Variants in MAP3K6 observed in about 807,000 individuals in gnomAD.
MAP3K6 encodes the protein mitogen-activated protein kinase kinase kinase 6, also known as apoptosis signal-regulating kinase 2.
Under a neutral mutation model 147.1 loss-of-function variants are expected in MAP3K6, and 105 were observed. The ratio of observed to expected loss-of-function variants is 0.71; its 90% CI spans 0.61 to 0.84. The LOEUF (loss-of-function observed/expected upper bound fraction) is 0.84, where lower values mean the gene tolerates loss of function less well. Ranked by LOEUF, MAP3K6 falls within the 40% of genes least tolerant of loss-of-function variation. The pLI, the probability that MAP3K6 is intolerant of heterozygous loss-of-function variation, is 0.00. For missense variants in MAP3K6, 1,569 were observed against 1,715.0 expected, an observed-to-expected ratio of 0.91 and a Z score of 1.50; for synonymous variants, 695 against 732.4, an observed-to-expected ratio of 0.95 and a Z score of 0.82.
chr1:27,366,513 GGCCCCGGCTCAGC>G lies in MAP3K6; in HGVS notation c.72_84del (p.Leu25GlyfsTer23), dbSNP rs1243803700. 11 of 1,108,642 alleles carry G rather than the reference GGCCCCGGCTCAGC, an allele frequency of 9.9e-6. No individual in the cohort carries two copies. The highest frequency in any genetic ancestry group is 5.1e-5 in the Admixed American group (1 of 19,768). 68.7% of individuals were successfully genotyped at this position (1,108,642 alleles called of 1,614,324 possible). Reference sequence around the variant, plus strand: ...CGGCCCGGGGGCGCCGCGAGCTGCCGGCCCCGGCTCAGCGCCACGGCCAGCGGGTCCTGCCAGC... The same window carrying G: ...CGGCCCGGGGGCGCCGCGAGCTGCCGGCCACGGCCAGCGGGTCCTGCCAGC... On this transcript the variant is annotated frameshift_variant, in exon 1 of 29. Coordinates refer to ENST00000357582, the MANE Select transcript of MAP3K6 (RefSeq NM_004672.5). LOFTEE classifies it high-confidence loss of function. This position sits in a 1 kb window ranked among gnomAD's most constrained non-coding sequence, Gnocchi z 5.5.
intron 24 of MAP3K6, 98 bp from the exon 25 acceptor site, chr1:27,356,847 C>T (rs1412048291): frequency 6.8e-7 from 1 of 1,473,698 alleles, no homozygotes; most frequent in Non-Finnish European, 9.1e-7. Flanking sequence ...TCTGGGCAGG[C>T]CCCAGGCGGT....
At position 27,360,603 on chromosome 1, in the gene MAP3K6, G is replaced by GCCCGCCCACTAGGC; in HGVS notation, c.2054+88_2054+101dup. ...GGGCTCGAACTCTCAGGTCCTACGA[G>GCCCGCCCACTAGGC]CCCGCCCACTAGGCCCCGCCCACAG... is the stretch of plus-strand genomic sequence containing the variant. On this transcript the variant is annotated intron_variant, in intron 15 of 28. Coordinates refer to ENST00000357582, the MANE Select transcript of MAP3K6 (RefSeq NM_004672.5). This position sits in a 1 kb window ranked among gnomAD's most constrained non-coding sequence, Gnocchi z 4.5. The GCCCGCCCACTAGGC allele has an allele frequency of 1.4e-6, 2 of 1,474,578 alleles. No homozygotes were observed. The highest frequency in any genetic ancestry group is 9.0e-7 in the Non-Finnish European group (1 of 1,111,300). The allele number at this position is 1,474,578 out of a possible 1,614,324, so 91.3% of individuals were successfully genotyped here.
In MAP3K6 at chr1:27,362,970, C is replaced by T. The variant is rs1323188268; in HGVS notation, c.1023G>A (p.Leu341=). The T allele has an allele frequency of 1.9e-6, 3 of 1,613,944 alleles. No individual in the cohort carries two copies. Among genetic ancestry groups the T allele is most frequent in the Non-Finnish European group, 2.5e-6 (3 of 1,180,010 alleles). ...GCGCCACAGAGCCCTCAAGCTGTAC[C>T]AGCGGCAGCAGCACAGACAGGGCCT... ...RAKALSVLLP[L]VQLEGSVAPD... is the part of the protein sequence containing the mutation. Residue 341 remains leucine, a synonymous_variant, in exon 7 of 29, where the codon CTG becomes CTA. Coordinates refer to ENST00000357582, the MANE Select transcript of MAP3K6 (RefSeq NM_004672.5).
At position 27,358,247 on chromosome 1, in the gene MAP3K6, G is replaced by A. The variant is rs1436843883; in HGVS notation, c.2849C>T (p.Ala950Val). 1.9e-6 allele frequency: 3 copies of A among 1,600,804 alleles called. No homozygotes were observed. The highest frequency in any genetic ancestry group is 1.1e-5 in the South Asian group (1 of 89,314). ...GGGGCTGGGTGGGTGCTGAGAGGGT[G>A]CCTGAGGGCACGGGAATGTCTGAGA... ...TQSQTFPCPQ[A>V]PSQHPPSPPK... is the part of the protein sequence containing the mutation. The change falls in exon 21 of 29, where the codon GCA (alanine) becomes GTA (valine). Residue 950 changes from alanine (A) to valine (V), a missense_variant. By Grantham distance (64) the Ala-to-Val change is moderately conservative. Coordinates refer to ENST00000357582, the MANE Select transcript of MAP3K6 (RefSeq NM_004672.5). The surrounding 1 kb of genome is among the most constrained non-coding windows in gnomAD (Gnocchi z 6.2).
Position 27,358,971 on chromosome 1 carries a change from C to T in MAP3K6, c.2426-105G>A. 2.5e-6 allele frequency: 3 copies of T among 1,179,200 alleles called. No homozygotes were observed. Among genetic ancestry groups the T allele is most frequent in the Non-Finnish European group, 3.6e-6 (3 of 838,906 alleles). The allele number at this position is 1,179,200 out of a possible 1,614,324, so 73.0% of individuals were successfully genotyped here. ...CAGGCCGACTGCACCCATACTGAAC[C>T]TATCATCCAAAATATACCTCAACAC... On this transcript the variant is annotated intron_variant, in intron 18 of 28. Coordinates refer to ENST00000357582, the MANE Select transcript of MAP3K6 (RefSeq NM_004672.5). The surrounding 1 kb of genome is among the most constrained non-coding windows in gnomAD (Gnocchi z 6.2).
Position 27,359,633 on chromosome 1 carries a change from C to T in MAP3K6, c.2320-111G>A. On this transcript the variant is annotated intron_variant, in intron 17 of 28. Coordinates refer to ENST00000357582, the MANE Select transcript of MAP3K6 (RefSeq NM_004672.5). The surrounding 1 kb of genome is among the most constrained non-coding windows in gnomAD (Gnocchi z 4.4). Reference sequence around the variant, plus strand: ...CCCAGCCTGGTCCTGCCTCTGTCAACACTCTCCCCTTGCCATCCCACTTAT... The same window carrying T: ...CCCAGCCTGGTCCTGCCTCTGTCAATACTCTCCCCTTGCCATCCCACTTAT... The T allele has an allele frequency of 2.0e-6, 3 of 1,510,150 alleles. No individual in the cohort carries two copies. The highest frequency in any genetic ancestry group is 2.7e-6 in the Non-Finnish European group (3 of 1,109,730). 93.5% of individuals were successfully genotyped at this position (1,510,150 alleles called of 1,614,324 possible).
rs2015616133 is a variant in MAP3K6, at chr1:27,358,348, G to C, written c.2777-29C>G. ...AGGGAGGGACAGAGCCATCAGCTGG[G>C]CTCTCCTCCACCCTCACAGCTCCAC... On this transcript the variant is annotated intron_variant, in intron 20 of 28. Transcript: ENST00000357582. This position sits in a 1 kb window ranked among gnomAD's most constrained non-coding sequence, Gnocchi z 6.2. 2.5e-6 allele frequency: 4 copies of C among 1,596,328 alleles called. No homozygotes were observed. The Middle Eastern group carries it at 5.0e-4, about 201-fold the overall frequency.
chr1:27,365,146 A>T (rs1481262003), intron 1 of MAP3K6, among the ~76,000 whole-genome samples: 1 of 152,188 alleles, frequency 6.6e-6, no homozygotes, highest in East Asian at 1.9e-4. Context: ...GCCACGGTTC[A>T]GAGCCTGTGA....
rs758639906 is a variant in MAP3K6, at chr1:27,362,076, G to A, written c.1415+15C>T. 6.2e-7 allele frequency: 1 copy of A among 1,602,404 alleles called. No homozygotes were observed. The highest frequency in any genetic ancestry group is 1.1e-5 in the South Asian group (1 of 89,552). On this transcript the variant is annotated intron_variant, in intron 9 of 28. Transcript: ENST00000357582. ...CAGCCCAGGTCAGGCCAAGAATGCA[G>A]AGGGGGCCACCTACCATATGGGGGC... is the stretch of plus-strand genomic sequence containing the variant.
rs371233456 is a variant in MAP3K6, at chr1:27,358,270, A to C, written c.2826T>G (p.Ser942=). The C allele has an allele frequency of 6.5e-5, 105 of 1,606,016 alleles. No homozygotes were observed. Among genetic ancestry groups the C allele is most frequent in the Non-Finnish European group, 8.7e-5 (103 of 1,177,922 alleles). The change falls in exon 21 of 29, where the codon TCT becomes TCG. Residue 942 remains serine, a synonymous_variant. Coordinates refer to ENST00000357582, the MANE Select transcript of MAP3K6 (RefSeq NM_004672.5). This position sits in a 1 kb window ranked among gnomAD's most constrained non-coding sequence, Gnocchi z 6.2. ...GTGCCTGAGGGCACGGGAATGTCTG[A>C]GACTGGGTGGTTGAGTTGGCTGAAG... ...PTPSANSTTQ[S]QTFPCPQAPS...
At position 27,358,711 on chromosome 1, in the gene MAP3K6, G is replaced by C; in HGVS notation, c.2581C>G (p.Gln861Glu). Residue 861 changes from glutamine to glutamate, a missense_variant and splice_region_variant, in exon 19 of 29, where the codon CAG becomes GAG. Gln to Glu is a conservative substitution (Grantham distance 29). Coordinates refer to ENST00000357582, the MANE Select transcript of MAP3K6 (RefSeq NM_004672.5). The surrounding 1 kb of genome is among the most constrained non-coding windows in gnomAD (Gnocchi z 6.2). Reference protein sequence around the residue: ...ELGSPQAAMFQVGMYKVHPPM... With the variant: ...ELGSPQAAMFEVGMYKVHPPM... ...GGCCAGGCCCAAAGAGGTCTCACCT[G>C]AAACATGGCAGCCTGTGGGCTCCCG... 1.2e-6 allele frequency: 2 copies of C among 1,613,792 alleles called. No individual in the cohort carries two copies. Among genetic ancestry groups the C allele is most frequent in the Non-Finnish European group, 1.7e-6 (2 of 1,180,008 alleles).
At chr1:27,357,234 A>C in intron 23 of MAP3K6, 120 bp from the exon 24 acceptor site, 1 of 1,268,340 alleles carries the variant, frequency 7.9e-7, no homozygotes, top group Non-Finnish European at 1.1e-6. Flanking sequence ...CTTGAGGTCC[A>C]GGGAAGGCCT....
At position 27,360,397 on chromosome 1, in the gene MAP3K6, G is replaced by A; in HGVS notation, c.2055-29C>T. ...AGGGGAGGTAAGGGAGAGAGGAAAG[G>A]GACCGAGGTGGGCAGAGAAGCCCCG... On this transcript the variant is annotated intron_variant, in intron 15 of 28. Coordinates refer to ENST00000357582, the MANE Select transcript of MAP3K6 (RefSeq NM_004672.5). The surrounding 1 kb of genome is among the most constrained non-coding windows in gnomAD (Gnocchi z 4.5). 6.2e-7 allele frequency: 1 copy of A among 1,603,806 alleles called. No homozygotes were observed. Among genetic ancestry groups the A allele is most frequent in the Non-Finnish European group, 8.5e-7 (1 of 1,174,108 alleles).
In MAP3K6 at chr1:27,358,711, G is replaced by T; in HGVS notation, c.2581C>A (p.Gln861Lys). Reference protein sequence around the residue: ...ELGSPQAAMFQVGMYKVHPPM... With the variant: ...ELGSPQAAMFKVGMYKVHPPM... ...GGCCAGGCCCAAAGAGGTCTCACCT[G>T]AAACATGGCAGCCTGTGGGCTCCCG... Residue 861 changes from glutamine to lysine, a missense_variant and splice_region_variant, in exon 19 of 29, where the codon CAG becomes AAG. Gln to Lys is a moderately conservative substitution (Grantham distance 53, BLOSUM62 1). Coordinates refer to ENST00000357582, the MANE Select transcript of MAP3K6 (RefSeq NM_004672.5). This position sits in a 1 kb window ranked among gnomAD's most constrained non-coding sequence, Gnocchi z 6.2. The T allele has an allele frequency of 6.2e-7, 1 of 1,613,790 alleles. No individual in the cohort carries two copies.
rs897536954 is a variant in MAP3K6 at position 27,363,165 on chromosome 1, C to T, written c.972-144G>A. 6 of 748,396 alleles carry T rather than the reference C, an allele frequency of 8.0e-6. No homozygotes were observed. In the East Asian group the frequency reaches 1.6e-4, roughly 20 times the overall value. The allele number at this position is 748,396 out of a possible 1,614,324, so 46.4% of individuals were successfully genotyped here. A position where few individuals can be genotyped will look rare whatever the true frequency, so the allele number is the denominator to read the frequency against. Reference sequence around the variant, plus strand: ...GATAATGACCCTGGCCAGCACTGACCTCTCTAGTGACCTCAGATGGAAGTG... The same window carrying T: ...GATAATGACCCTGGCCAGCACTGACTTCTCTAGTGACCTCAGATGGAAGTG... On this transcript the variant is annotated intron_variant, in intron 6 of 28. Transcript: ENST00000357582.
Position 27,362,172 on chromosome 1 carries a change from A to G in MAP3K6, c.1334T>C (p.Leu445Pro), listed in dbSNP as rs1301886280. Residue 445 changes from leucine to proline, a missense_variant, in exon 9 of 29, where the codon CTG (leucine) becomes CCG (proline). By Grantham distance (98) the Leu-to-Pro change is moderately conservative. Transcript: ENST00000357582. ...MQYYWDVGFY[L>P]GAQILANDPT... is the part of the protein sequence containing the mutation. Reference sequence around the variant, plus strand: ...GTCATTGGCGAGGATCTGGGCTCCCAGGTAGAAACCCACATCCCAGTAATA... The same window carrying G: ...GTCATTGGCGAGGATCTGGGCTCCCGGGTAGAAACCCACATCCCAGTAATA... The G allele has an allele frequency of 2.5e-6, 4 of 1,613,682 alleles. No homozygotes were observed. The Admixed American group carries it at 5.0e-5, about 20-fold the overall frequency.
intron 8 of MAP3K6, 126 bp from the exon 9 acceptor site, chr1:27,362,376 C>T (rs1427011093): frequency 1.6e-5 from 16 of 1,016,598 alleles, no homozygotes; most frequent in South Asian, 1.4e-4. Context: ...GGCAAGATCT[C>T]GGGTGGGAAC....
In MAP3K6 at chr1:27,359,731, C is replaced by T; in HGVS notation, c.2319+127G>A. 6.9e-7 allele frequency: 1 copy of T among 1,446,464 alleles called. No homozygotes were observed. Among genetic ancestry groups the T allele is most frequent in the Non-Finnish European group, 9.4e-7 (1 of 1,061,306 alleles). The allele number at this position is 1,446,464 out of a possible 1,614,324, so 89.6% of individuals were successfully genotyped here. A position where few individuals can be genotyped will look rare whatever the true frequency, so the allele number is the denominator to read the frequency against. On this transcript the variant is annotated intron_variant, in intron 17 of 28. Transcript: ENST00000357582. This position sits in a 1 kb window ranked among gnomAD's most constrained non-coding sequence, Gnocchi z 4.4. ...TTCCCCTCCTTCTCTAAGGAGCCTC[C>T]CTGATGAATTCCCTACCCTTTGCAA...
Position 27,361,831 on chromosome 1 carries a change from G to T in MAP3K6, c.1452C>A (p.Tyr484Ter). ...GCTCTGGCGTGGGCCTGAAGTGCTG[G>T]TAGAGCAGGAAGGTCTCCATCACGG... ...LVSVMETFLL[Y>*]QHFRPTPEPP... Residue 484 changes from tyrosine to a stop codon, truncating the protein, a stop_gained, in exon 10 of 29, where the codon TAC becomes TAA. Coordinates refer to ENST00000357582, the MANE Select transcript of MAP3K6 (RefSeq NM_004672.5). LOFTEE classifies it high-confidence loss of function. 2 of 1,590,092 alleles carry T rather than the reference G, an allele frequency of 1.3e-6. No individual in the cohort carries two copies. The highest frequency in any genetic ancestry group is 1.8e-5 in the Admixed American group (1 of 56,778).
Sources: allele counts gnomAD v4.1 joint callset (sites outside exome capture counted in the v4.1 genomes callset), GRCh38; gene constraint gnomAD v4.1.1; non-coding constraint Gnocchi (gnomAD v3.1); transcripts MANE v1.5; gene names NCBI Gene and HGNC (gene_info 2026-07-23, HGNC 2026-07-21).